The following VWC2L variants were observed in gnomAD, a reference collection of about 807,000 sequenced individuals.
VWC2L encodes von Willebrand factor C domain-containing protein 2-like.
VWC2L carries 10 observed loss-of-function variants against 21.6 expected under a neutral mutation model. The ratio of observed to expected loss-of-function variants is 0.46; its 90% CI spans 0.29 to 0.78. The LOEUF is 0.78. Ranked by LOEUF, VWC2L falls within the 30% of genes least tolerant of loss-of-function variation. The pLI, the probability that VWC2L is intolerant of heterozygous loss-of-function variation, is 0.10. For missense variants in VWC2L, 209 were observed against 277.1 expected, an observed-to-expected ratio of 0.75 and a Z score of 1.74; for synonymous variants, 96 against 94.3, an observed-to-expected ratio of 1.02 and a Z score of -0.10.
At chr2:214,533,579 T>C (rs975377741) in intron 3 of VWC2L, among the ~76,000 whole-genome samples, 2 of 148,220 alleles carry the variant, frequency 1.3e-5, no homozygotes, top group African/African-American at 4.9e-5. Flanking sequence ...ATTTAATAAG[T>C]GTAATTGAAA....
chr2:214,426,028 C>T (rs1270101685), intron 2 of VWC2L, among the ~76,000 whole-genome samples: 2 of 151,870 alleles, frequency 1.3e-5, no homozygotes, highest in Admixed American at 1.3e-4. Context: ...AAAGATTAGC[C>T]TGGCATGATG....
intron 3 of VWC2L, among the ~76,000 whole-genome samples, chr2:214,445,173 G>A (rs1000357435): frequency 2.0e-5 from 3 of 151,926 alleles, no homozygotes; most frequent in African/African-American, 7.2e-5. Flanking sequence ...GAGTGTAAAT[G>A]ATATATGCTC....
At chr2:214,505,222 C>T (rs991209260) in intron 3 of VWC2L, among the ~76,000 whole-genome samples, 2 of 152,166 alleles carry the variant, frequency 1.3e-5, no homozygotes, top group East Asian at 3.9e-4. Context: ...TCAGTTTGCC[C>T]TGAAACTGTT....
chr2:214,476,814 T>C (rs1189405492), intron 3 of VWC2L, among the ~76,000 whole-genome samples: 1 of 152,218 alleles, frequency 6.6e-6, no homozygotes, highest in Non-Finnish European at 1.5e-5. Flanking sequence ...TATTGAAGTA[T>C]TTTGGTATTT....
chr2:214,475,739 T>C (rs1688505841), intron 3 of VWC2L, among the ~76,000 whole-genome samples: 1 of 142,552 alleles, frequency 7.0e-6, no homozygotes, highest in Non-Finnish European at 1.5e-5. Context: ...TTTTTAAATG[T>C]TGGCTCAAAA....
chr2:214,511,826 C>T (rs1233258590), intron 3 of VWC2L, among the ~76,000 whole-genome samples: 2 of 121,782 alleles, frequency 1.6e-5, no homozygotes, highest in Admixed American at 1.6e-4. Context: ...ACACAACACA[C>T]TATATATATA....
chr2:214,537,543 G>T (rs1428645886), intron 3 of VWC2L, among the ~76,000 whole-genome samples: 2 of 151,882 alleles, frequency 1.3e-5, no homozygotes, highest in Non-Finnish European at 2.9e-5. Flanking sequence ...TGGAATGGTG[G>T]TTACTAGAGG....
chr2:214,421,924 C>T (rs1386083771), intron 2 of VWC2L, among the ~76,000 whole-genome samples: 2 of 70,692 alleles, frequency 2.8e-5, no homozygotes, highest in African/African-American at 1.7e-4. Flanking sequence ...CGGAGTTTCG[C>T]TCTGTCGCCC....
chr2:214,559,797 T>C (rs746435309), intron 3 of VWC2L, among the ~76,000 whole-genome samples: 46 of 152,134 alleles, frequency 3.0e-4, no homozygotes, highest in Non-Finnish European at 6.0e-4. Context: ...AGACAAGGTC[T>C]AGTATGTTGC....
At chr2:214,515,063 G>C (rs539734586) in intron 3 of VWC2L, among the ~76,000 whole-genome samples, 1 of 152,150 alleles carries the variant, frequency 6.6e-6, no homozygotes, top group Middle Eastern at 3.4e-3. Flanking sequence ...CCCCCACCCA[G>C]TCCATCTTTT....
chr2:214,494,412 C>A (rs1032526043), intron 3 of VWC2L, among the ~76,000 whole-genome samples: 8 of 152,202 alleles, frequency 5.3e-5, no homozygotes, highest in Non-Finnish European at 1.0e-4. Context: ...GCCAGCCACT[C>A]TGCCAGAAAC....
At chr2:214,513,198 G>C (rs1433241417) in intron 3 of VWC2L, among the ~76,000 whole-genome samples, 1 of 152,030 alleles carries the variant, frequency 6.6e-6, no homozygotes, top group Admixed American at 6.5e-5. Flanking sequence ...ATTACTGTCG[G>C]GTCAAAGAGA....
At chr2:214,466,439 C>T (rs1378515948) in intron 3 of VWC2L, among the ~76,000 whole-genome samples, 1 of 152,102 alleles carries the variant, frequency 6.6e-6, no homozygotes, top group African/African-American at 2.4e-5. Context: ...GAATATGTGT[C>T]TTGATATAGT....
chr2:214,425,892 T>C (rs6711051), intron 2 of VWC2L, among the ~76,000 whole-genome samples: 98,340 of 151,830 alleles, frequency 0.65, 33,317 homozygotes, highest in African/African-American at 0.85. Context: ...AGAATTCAGA[T>C]CGGGCACGGT....
intron 3 of VWC2L, among the ~76,000 whole-genome samples, chr2:214,527,284 A>G (rs190163466): frequency 2.3e-4 from 35 of 152,188 alleles, no homozygotes; most frequent in African/African-American, 8.2e-4. Context: ...TCAAAACACT[A>G]TCAGTTACTA....
intron 3 of VWC2L, among the ~76,000 whole-genome samples, chr2:214,501,039 G>A (rs1422990650): frequency 3.3e-5 from 5 of 152,156 alleles, no homozygotes; most frequent in Admixed American, 2.0e-4. Context: ...GCAGACAGAA[G>A]CAAAATATCA....
At chr2:214,515,699 AC>A (rs1336309848) in intron 3 of VWC2L, among the ~76,000 whole-genome samples, 1 of 152,114 alleles carries the variant, frequency 6.6e-6, no homozygotes, top group South Asian at 2.1e-4. Flanking sequence ...GATTGCAGGC[AC>A]CCACCACCAG....
intron 3 of VWC2L, among the ~76,000 whole-genome samples, chr2:214,445,250 A>T (rs1041791131): frequency 1.3e-5 from 2 of 151,904 alleles, no homozygotes; most frequent in Non-Finnish European, 2.9e-5. Flanking sequence ...TTGATCAAAA[A>T]TAATGAGAGA....
chr2:214,458,935 T>C (rs933216384), intron 3 of VWC2L, among the ~76,000 whole-genome samples: 1 of 152,232 alleles, frequency 6.6e-6, no homozygotes, highest in African/African-American at 2.4e-5. Context: ...GTTAGGTCCA[T>C]TTGGTCTAAT....
Sources: gnomAD v4.1 joint callset for allele counts (sites outside exome capture counted in the v4.1 genomes callset) on GRCh38, gnomAD v4.1.1 for gene constraint, MANE v1.5 for transcripts, NCBI Gene and HGNC (gene_info 2026-07-23, HGNC 2026-07-21) for gene names.